The following GMDS variants were observed in gnomAD, a reference collection of about 807,000 sequenced individuals.
GMDS encodes GDP-mannose 4,6-dehydratase.
GMDS carries 20 observed loss-of-function variants against 49.9 expected under a neutral mutation model. The ratio of observed to expected loss-of-function variants is 0.40; its 90% CI spans 0.28 to 0.58. GMDS has a LOEUF of 0.58. GMDS is among the 20% of genes least tolerant of loss of function. The probability of loss-of-function intolerance (pLI) is 0.42; values close to 1 mark genes in which losing one functional copy is unlikely to be tolerated. For missense variants in GMDS, 362 were observed against 481.4 expected (o/e 0.75, Z 2.32); for synonymous variants, 177 against 178.6 (o/e 0.99, Z 0.07).
chr6:2,044,372 T>C (rs1741022540), intron 4 of GMDS, among the ~76,000 whole-genome samples: 1 of 152,274 alleles, frequency 6.6e-6, no homozygotes, highest in African/African-American at 2.4e-5. Context: ...CGTGGAATAC[T>C]ATGCAGCCGT....
chr6:2,149,086 G>A (rs759221446), intron 1 of GMDS, among the ~76,000 whole-genome samples: 2 of 151,906 alleles, frequency 1.3e-5, no homozygotes, highest in African/African-American at 4.8e-5. Context: ...CATAAAATAC[G>A]GAAAAGAATA....
At chr6:1,964,052 T>C (rs1190707605) in intron 4 of GMDS, among the ~76,000 whole-genome samples, 2 of 152,176 alleles carry the variant, frequency 1.3e-5, no homozygotes, top group Non-Finnish European at 2.9e-5. Context: ...GAGGGTCTCA[T>C]AAAAGCCAGA....
At chr6:1,722,159 C>T (rs1345503352) in intron 9 of GMDS, among the ~76,000 whole-genome samples, 7 of 149,440 alleles carry the variant, frequency 4.7e-5, no homozygotes, top group South Asian at 2.1e-4. Context: ...CTCCACCTCC[C>T]GGGTTCCCAC....
chr6:2,080,364 A>G (rs930269757), intron 4 of GMDS, among the ~76,000 whole-genome samples: 1 of 152,096 alleles, frequency 6.6e-6, no homozygotes, highest in Non-Finnish European at 1.5e-5. Context: ...GTTCCCCTGG[A>G]GATGTCATAT....
chr6:1,781,780 G>A (rs759339790), intron 7 of GMDS, among the ~76,000 whole-genome samples: 1 of 151,918 alleles, frequency 6.6e-6, no homozygotes, highest in South Asian at 2.1e-4. Flanking sequence ...ATTCTTAATG[G>A]TCATGGGGGC....
intron 4 of GMDS, among the ~76,000 whole-genome samples, chr6:2,016,911 T>C (rs1767937129): frequency 6.6e-6 from 1 of 152,136 alleles, no homozygotes; most frequent in Non-Finnish European, 1.5e-5. Flanking sequence ...AAGGCAGTGC[T>C]GGGAGGCTAA....
intron 1 of GMDS, among the ~76,000 whole-genome samples, chr6:2,140,031 T>C (rs947576087): frequency 6.6e-6 from 1 of 152,138 alleles, no homozygotes; most frequent in Non-Finnish European, 1.5e-5. Context: ...GCTGTGGAGT[T>C]AATGCAGCAG....
chr6:1,974,483 T>C (rs1355802862), intron 4 of GMDS, among the ~76,000 whole-genome samples: 1 of 151,606 alleles, frequency 6.6e-6, no homozygotes, highest in Non-Finnish European at 1.5e-5. Flanking sequence ...GATGCAGAGG[T>C]CCGGGAAAGG....
chr6:2,016,260 A>C (rs1232405336), intron 4 of GMDS, among the ~76,000 whole-genome samples: 1 of 147,180 alleles, frequency 6.8e-6, no homozygotes, highest in East Asian at 2.0e-4. Flanking sequence ...CTCGGTCTCA[A>C]AAAAAAAAAA....
chr6:2,022,691 T>C (rs1253945172), intron 4 of GMDS, among the ~76,000 whole-genome samples: 4 of 152,178 alleles, frequency 2.6e-5, no homozygotes, highest in Admixed American at 2.0e-4. Flanking sequence ...CTAAAATCTG[T>C]ATTTTTGAAT....
chr6:2,038,251 T>G (rs1408417450), intron 4 of GMDS, among the ~76,000 whole-genome samples: 1 of 152,218 alleles, frequency 6.6e-6, no homozygotes, highest in Non-Finnish European at 1.5e-5. Flanking sequence ...AGCAGCTGTT[T>G]GCTGACAGAC....
At chr6:2,093,362 T>A (rs1385475452) in intron 4 of GMDS, among the ~76,000 whole-genome samples, 2 of 152,182 alleles carry the variant, frequency 1.3e-5, no homozygotes, top group African/African-American at 4.8e-5. Context: ...CTGTTTCTCG[T>A]AAAAGATGAA....
intron 1 of GMDS, among the ~76,000 whole-genome samples, chr6:2,154,862 G>GAAAAAAAAAAAAAAAA (rs1562103386): frequency 3.0e-5 from 1 of 33,834 alleles, no homozygotes; most frequent in African/African-American, 7.6e-5. Context: ...TTGAAGAGAT[G>GAAAAAAAAAAAAAAAA]CAAAAAAAAA....
intron 7 of GMDS, among the ~76,000 whole-genome samples, chr6:1,878,314 C>CAA (rs11463549): frequency 0.014 from 1,038 of 72,272 alleles, 31 homozygotes; most frequent in African/African-American, 0.035. Flanking sequence ...GAATCCATCT[C>CAA]AAAAAAAAAA....
At chr6:1,937,332 T>C (rs1762602371) in intron 6 of GMDS, among the ~76,000 whole-genome samples, 1 of 152,206 alleles carries the variant, frequency 6.6e-6, no homozygotes, top group Admixed American at 6.5e-5. Context: ...TTCAACATTC[T>C]GTTACATTAA....
chr6:1,669,319 G>C (rs1258079577), intron 9 of GMDS, among the ~76,000 whole-genome samples: 3 of 151,672 alleles, frequency 2.0e-5, no homozygotes, highest in African/African-American at 7.3e-5. Context: ...TGGCCTCTGG[G>C]GTTCATTCAG....
intron 7 of GMDS, among the ~76,000 whole-genome samples, chr6:1,867,482 C>T (rs1288453970): frequency 6.6e-6 from 1 of 152,098 alleles, no homozygotes; most frequent in African/African-American, 2.4e-5. Context: ...TTGTACAAAT[C>T]TAGAATCCAT....
At chr6:1,642,492 C>T (rs1281505283) in intron 9 of GMDS, among the ~76,000 whole-genome samples, 3 of 152,102 alleles carry the variant, frequency 2.0e-5, no homozygotes, top group Non-Finnish European at 4.4e-5. Context: ...AAACCTACCC[C>T]AAAGGTTCTA....
At chr6:2,136,562 AG>A (rs1195569926) in intron 1 of GMDS, among the ~76,000 whole-genome samples, 2 of 152,270 alleles carry the variant, frequency 1.3e-5, no homozygotes, top group Admixed American at 1.3e-4. Context: ...TCTCTACAAA[AG>A]ATTTTTAAAA....
Sources: gnomAD v4.1 joint callset for allele counts (sites outside exome capture counted in the v4.1 genomes callset) on GRCh38, gnomAD v4.1.1 for gene constraint, MANE v1.5 for transcripts, NCBI Gene and HGNC (gene_info 2026-07-23, HGNC 2026-07-21) for gene names.